The following DYNC2H1 variants were observed in gnomAD, a reference collection of about 807,000 sequenced individuals.
DYNC2H1 encodes cytoplasmic dynein 2 heavy chain 1.
Under a neutral mutation model 570.0 loss-of-function variants are expected in DYNC2H1, and 410 were observed. That is an observed-to-expected ratio of 0.72 (90% CI 0.66 to 0.78). The LOEUF is 0.78. Among genes scored for constraint, DYNC2H1 ranks in the 30% least tolerant of loss-of-function variants. The pLI, the probability that DYNC2H1 is intolerant of heterozygous loss-of-function variation, is 0.00. For synonymous variants in DYNC2H1, 1,688 were observed against 1,677.6 expected (o/e 1.01, Z -0.15); for missense variants, 4,865 against 5,046.4 (o/e 0.96, Z 1.09).
chr11:103,307,971 T>A, intron 78 of DYNC2H1, 140 bp downstream of exon 78: 1 of 424,888 alleles, frequency 2.4e-6, no homozygotes, highest in South Asian at 9.3e-5. Context: ...GATAATAGCA[T>A]AAGATGATGT....
At chr11:103,121,697 T>G (rs1272565961) in intron 10 of DYNC2H1, among the ~76,000 whole-genome samples, 1 of 152,200 alleles carries the variant, frequency 6.6e-6, no homozygotes, top group African/African-American at 2.4e-5. Flanking sequence ...GTAGAGATAA[T>G]GCATCATTTA....
At chr11:103,471,478 G>C (rs1854750617) in intron 88 of DYNC2H1, among the ~76,000 whole-genome samples, 1 of 152,142 alleles carries the variant, frequency 6.6e-6, no homozygotes, top group Admixed American at 6.5e-5. Context: ...CACTGAGCCA[G>C]TTTCCTCATT....
rs1944180175 is a variant in DYNC2H1, at chr11:103,439,407, T to C, written c.12456+3375T>C. On this transcript the variant is annotated intron_variant, in intron 85 of 88. Transcript: ENST00000375735. The surrounding 1 kb of genome is among the most constrained non-coding windows in gnomAD (Gnocchi z 4.1). Reference sequence around the variant, plus strand: ...CAAGTAACTAAAAGCAAAGCATAGATTGCAAGGAGGGGTGTTCAGGCTGGA... The same window carrying C: ...CAAGTAACTAAAAGCAAAGCATAGACTGCAAGGAGGGGTGTTCAGGCTGGA... Among the ~76,000 whole-genome samples the C allele has an allele frequency of 6.6e-6, 1 of 152,040 alleles. No homozygotes were observed. Among genetic ancestry groups the C allele is most frequent in the South Asian group, 2.1e-4 (1 of 4,816 alleles).
At chr11:103,419,466 A>G (rs1238103446) in intron 84 of DYNC2H1, among the ~76,000 whole-genome samples, 2 of 152,030 alleles carry the variant, frequency 1.3e-5, no homozygotes, top group African/African-American at 2.4e-5. Context: ...CACAGCCTTC[A>G]CTGGTGATGC....
At chr11:103,371,085 A>T (rs1448557665) in intron 83 of DYNC2H1, among the ~76,000 whole-genome samples, 1 of 152,164 alleles carries the variant, frequency 6.6e-6, no homozygotes, top group East Asian at 1.9e-4. Context: ...TCAGAATTCT[A>T]TCAGGTAAAT....
At chr11:103,158,309 C>T (rs952091668) in intron 26 of DYNC2H1, among the ~76,000 whole-genome samples, 3 of 152,074 alleles carry the variant, frequency 2.0e-5, no homozygotes, top group South Asian at 2.1e-4. Context: ...ATTAGCTAGG[C>T]GCGGTGGCGG....
In DYNC2H1 at chr11:103,139,971, G is replaced by A. The variant is rs185740150; in HGVS notation, c.2575-3297G>A. Among the ~76,000 whole-genome samples the A allele has an allele frequency of 4.3e-3, 649 of 152,188 alleles. 2 individuals carry two copies. Among genetic ancestry groups the A allele is most frequent in the African/African-American group, 0.015 (622 of 41,502 alleles). ...ATTGATCCATTTACCATCATGTAAT[G>A]GCCTTCTTTGTCTCTTTTGATCTTT... On this transcript the variant is annotated intron_variant, in intron 17 of 88. Transcript: ENST00000375735.
chr11:103,170,808 AAGTAACATTAAATATT>A lies in DYNC2H1; in HGVS notation c.5152-76_5152-61del. 8.1e-7 allele frequency: 1 copy of A among 1,239,562 alleles called. No individual in the cohort carries two copies. The allele number at this position is 1,239,562 out of a possible 1,614,324, so 76.8% of individuals were successfully genotyped here. A position where few individuals can be genotyped will look rare whatever the true frequency, so the allele number is the denominator to read the frequency against. Reference sequence around the variant, plus strand: ...TGGGATAAATTATCACCTTATCAATAAGTAACATTAAATATTAAGTAGTTATGGAGATTTTGATTAT... The same window carrying A: ...TGGGATAAATTATCACCTTATCAATAAAGTAGTTATGGAGATTTTGATTAT... On this transcript the variant is annotated intron_variant, in intron 33 of 88. Coordinates refer to ENST00000375735, the MANE Select transcript of DYNC2H1 (RefSeq NM_001377.3). This position sits in a 1 kb window ranked among gnomAD's most constrained non-coding sequence, Gnocchi z 4.8.
intron 83 of DYNC2H1, 25 bp from the exon 84 acceptor site, chr11:103,399,638 A>C: frequency 6.5e-7 from 1 of 1,546,182 alleles, no homozygotes; most frequent in Non-Finnish European, 8.9e-7. Flanking sequence ...ACTATTCGGT[A>C]AATATTATGA....
chr11:103,188,620 A>G lies in DYNC2H1; in HGVS notation c.7264A>G (p.Thr2422Ala), dbSNP rs1303144773. The G allele has an allele frequency of 8.7e-6, 14 of 1,608,584 alleles. No homozygotes were observed. Among genetic ancestry groups the G allele is most frequent in the African/African-American group, 1.3e-5 (1 of 74,930 alleles). The change falls in exon 44 of 89, where the codon ACT becomes GCT. Residue 2422 changes from threonine to alanine, a missense_variant. Physicochemically the swap from Thr to Ala is moderately conservative, Grantham distance 58. Transcript: ENST00000375735. ...LGRHKLTTRF[T>A]SIVRLCSIDY... Reference sequence around the variant, plus strand: ...AAGACATAAACTTACTACCAGATTTACTTCCATCGTTCGTCTTTGTTCTAT... The same window carrying G: ...AAGACATAAACTTACTACCAGATTTGCTTCCATCGTTCGTCTTTGTTCTAT...
intron 84 of DYNC2H1, among the ~76,000 whole-genome samples, chr11:103,413,991 A>G (rs1212736316): frequency 6.6e-6 from 1 of 152,198 alleles, no homozygotes; most frequent in Non-Finnish European, 1.5e-5. Flanking sequence ...TAAGGACTTT[A>G]TGCCATGCTA....
intron 82 of DYNC2H1, among the ~76,000 whole-genome samples, chr11:103,357,087 C>T (rs781538458): frequency 2.9e-4 from 44 of 152,128 alleles, no homozygotes; most frequent in Non-Finnish European, 4.9e-4. Flanking sequence ...ACAATATATA[C>T]ATCATTGATT....
intron 83 of DYNC2H1, among the ~76,000 whole-genome samples, 165 bp downstream of exon 83, chr11:103,358,524 T>C (rs535393514): frequency 6.6e-6 from 1 of 152,316 alleles, no homozygotes; most frequent in East Asian, 1.9e-4. Context: ...ACATCAAAGT[T>C]AGTATTTTTT....
At position 103,203,001 on chromosome 11, in the gene DYNC2H1, A is replaced by T. The variant is rs1458338540; in HGVS notation, c.8198-662A>T. ...TGGACCAGTTCTTCTGATTTCTAGT[A>T]CAAGTTCATCTTTTCATTCATTCAT... On this transcript the variant is annotated intron_variant, in intron 50 of 88. Transcript: ENST00000375735. The surrounding 1 kb of genome is among the most constrained non-coding windows in gnomAD (Gnocchi z 4.7). Among the ~76,000 whole-genome samples, 1 of 152,110 alleles carries T rather than the reference A, an allele frequency of 6.6e-6. No homozygotes were observed. The highest frequency in any genetic ancestry group is 1.5e-5 in the Non-Finnish European group (1 of 67,998).
chr11:103,187,526 TATC>T lies in DYNC2H1; in HGVS notation c.7082_7084del (p.Ile2361del). On this transcript the variant is annotated inframe_deletion, in exon 43 of 89. Transcript: ENST00000375735. ...AAAGACTTGTTCTGTACTTAAAAGA[TATC>T]AACCTACCTAAACTTGATAAATGGG... is the stretch of plus-strand genomic sequence containing the variant. The T allele has an allele frequency of 6.2e-7, 1 of 1,613,338 alleles. No individual in the cohort carries two copies. Among genetic ancestry groups the T allele is most frequent in the Non-Finnish European group, 8.5e-7 (1 of 1,179,472 alleles).
chr11:103,200,975 C>T (rs772583937), intron 50 of DYNC2H1, among the ~76,000 whole-genome samples: 15 of 151,876 alleles, frequency 9.9e-5, no homozygotes, highest in Non-Finnish European at 2.1e-4. Context: ...TACAGGCATG[C>T]GCCACCATGC....
At chr11:103,217,422 A>G (rs866196141) in intron 55 of DYNC2H1, among the ~76,000 whole-genome samples, 175 of 152,330 alleles carry the variant, frequency 1.1e-3, no homozygotes, top group Middle Eastern at 3.4e-3. Flanking sequence ...CTGTAATATT[A>G]GGCATAGAGA....
chr11:103,344,766 TA>T (rs1232754445), intron 82 of DYNC2H1, among the ~76,000 whole-genome samples: 2 of 152,230 alleles, frequency 1.3e-5, no homozygotes, highest in Non-Finnish European at 2.9e-5. Flanking sequence ...TTTCAAAATA[TA>T]ACACTTAATA....
At chr11:103,342,049 G>A (rs1283492021) in intron 82 of DYNC2H1, among the ~76,000 whole-genome samples, 1 of 152,306 alleles carries the variant, frequency 6.6e-6, no homozygotes, top group East Asian at 1.9e-4. Context: ...GCTGAGGTGG[G>A]AGGATCACTT....
Sources: gnomAD v4.1 joint callset for allele counts (sites outside exome capture counted in the v4.1 genomes callset) on GRCh38, gnomAD v4.1.1 for gene constraint, Gnocchi (gnomAD v3.1) non-coding constraint, MANE v1.5 for transcripts, NCBI Gene and HGNC (gene_info 2026-07-23, HGNC 2026-07-21) for gene names.